The following LDB3 variants were observed in gnomAD, a reference collection of about 807,000 sequenced individuals.
LDB3 encodes the protein LIM domain binding 3, also known as LIM domain-binding protein 3.
In LDB3, 49 loss-of-function variants were observed where a neutral mutation model predicts 69.0. The observed-to-expected ratio is 0.71, with a 90% CI of 0.56 to 0.90. LDB3 has a LOEUF of 0.90. LDB3 is among the 40% of genes least tolerant of loss of function. The pLI is 0.00. For synonymous variants in LDB3, 387 were observed against 396.2 expected, an observed-to-expected ratio of 0.98 and a Z score of 0.28; for missense variants, 928 against 974.1, an observed-to-expected ratio of 0.95 and a Z score of 0.63.
In LDB3 at chr10:86,716,574, T is replaced by G. The variant is rs1295922690; in HGVS notation, c.1479T>G (p.Asp493Glu). Reference protein sequence around the residue: ...EPASRPPWVTDDSFSQKFAPG... With the variant: ...EPASRPPWVTEDSFSQKFAPG... ...CCAGCCGTCCACCCTGGGTGACAGA[T>G]GATAGCTTCTCCCAGAAGTTTGCCC... Residue 493 changes from aspartate to glutamate, a missense_variant, in exon 10 of 14, where the codon GAT becomes GAG. Coordinates refer to ENST00000361373, the MANE Select transcript of LDB3 (RefSeq NM_007078.3). 6.2e-7 allele frequency: 1 copy of G among 1,613,540 alleles called. No homozygotes were observed. The highest frequency in any genetic ancestry group is 8.5e-7 in the Non-Finnish European group (1 of 1,179,938).
chr10:86,689,268 C>T (rs1845648399), intron 5 of LDB3, among the ~76,000 whole-genome samples: 2 of 152,074 alleles, frequency 1.3e-5, no homozygotes, highest in Admixed American at 6.5e-5. Flanking sequence ...AGGGCGTCAC[C>T]GCTGGCGTAA....
At chr10:86,686,585 G>A (rs1478842358) in intron 5 of LDB3, among the ~76,000 whole-genome samples, 9 of 152,102 alleles carry the variant, frequency 5.9e-5, no homozygotes, top group Admixed American at 3.9e-4. Flanking sequence ...AGATGCCAAG[G>A]CAGAAGGATC....
At chr10:86,692,105 T>A in intron 6 of LDB3, 40 bp downstream of exon 6, 1 of 1,610,892 alleles carries the variant, frequency 6.2e-7, no homozygotes, top group Non-Finnish European at 8.5e-7. Flanking sequence ...AGGAGGGAGA[T>A]GCTGAGGGGC....
intron 5 of LDB3, 60 bp downstream of exon 5, chr10:86,681,863 C>G: frequency 6.7e-7 from 1 of 1,495,132 alleles, no homozygotes; most frequent in South Asian, 1.3e-5. Flanking sequence ...CCTCGGTGCT[C>G]GGCAGAGACC....
rs1846157787 is a variant in LDB3, at chr10:86,699,385, G to A, written c.896+6814G>A. ...AATGTTAAAAGCTAAAAGGCTGCCT[G>A]GAATCCCCCCACCCCAACAGGCTGG... On this transcript the variant is annotated intron_variant, in intron 7 of 13. Transcript: ENST00000361373. The surrounding 1 kb of genome is among the most constrained non-coding windows in gnomAD (Gnocchi z 4.9). The A allele has an allele frequency of 6.2e-7, 1 of 1,613,502 alleles. No individual in the cohort carries two copies. The highest frequency in any genetic ancestry group is 8.5e-7 in the Non-Finnish European group (1 of 1,179,846).
chr10:86,670,601 G>A (rs187952944), intron 2 of LDB3, among the ~76,000 whole-genome samples: 133 of 152,304 alleles, frequency 8.7e-4, no homozygotes, highest in Non-Finnish European at 1.1e-3. Flanking sequence ...GGCCAGCCAG[G>A]GGCTTAAATG....
chr10:86,718,627 G>C (rs1846962352), intron 11 of LDB3, 100 bp from the exon 12 acceptor site: 1 of 1,524,872 alleles, frequency 6.6e-7, no homozygotes, highest in African/African-American at 1.4e-5. Context: ...CTCCTGCCCT[G>C]TTCCCTGGTA....
rs545027359 is a variant in LDB3 at position 86,714,535 on chromosome 10, T to G, written c.1232-1792T>G. On this transcript the variant is annotated intron_variant, in intron 9 of 13. Transcript: ENST00000361373. ...TACCCCTAAAGGGGAGGAAGATTCC[T>G]TATGGAGAAGGTATTATCTTTTTTT... is the stretch of plus-strand genomic sequence containing the variant. Among the ~76,000 whole-genome samples the G allele has an allele frequency of 1.8e-4, 27 of 151,790 alleles. No homozygotes were observed. In the South Asian group the frequency reaches 5.2e-3, roughly 29 times the overall value.
chr10:86,668,391 G>C (rs899155326), upstream of LDB3: 3 of 481,352 alleles, frequency 6.2e-6, no homozygotes, highest in African/African-American at 3.9e-5. Flanking sequence ...TATATTAGCC[G>C]TGTGAGTCAT....
Position 86,699,294 on chromosome 10 carries a change from G to C in LDB3, c.896+6723G>C, listed in dbSNP as rs868365512. ...GTGCCACAGGGAAAGGTTTGAAACG[G>C]AACGTAACAGCCCACGTTTTGCCAA... On this transcript the variant is annotated intron_variant, in intron 7 of 13. Coordinates refer to ENST00000361373, the MANE Select transcript of LDB3 (RefSeq NM_007078.3). The surrounding 1 kb of genome is among the most constrained non-coding windows in gnomAD (Gnocchi z 4.9). 2 of 1,613,198 alleles carry C rather than the reference G, an allele frequency of 1.2e-6. No individual in the cohort carries two copies. Among genetic ancestry groups the C allele is most frequent in the Admixed American group, 1.7e-5 (1 of 59,926 alleles).
intron 7 of LDB3, among the ~76,000 whole-genome samples, chr10:86,697,368 T>C (rs1846048163): frequency 1.4e-5 from 2 of 148,144 alleles, no homozygotes; most frequent in Non-Finnish European, 3.0e-5. Context: ...ATTACAGGCA[T>C]GTGACACCAC....
rs1039359229 is a variant in LDB3, at chr10:86,699,479, A to G, written c.896+6908A>G. 68 of 1,579,110 alleles carry G rather than the reference A, an allele frequency of 4.3e-5. No homozygotes were observed. Among genetic ancestry groups the G allele is most frequent in the Non-Finnish European group, 5.7e-5 (66 of 1,165,306 alleles). On this transcript the variant is annotated intron_variant, in intron 7 of 13. Coordinates refer to ENST00000361373, the MANE Select transcript of LDB3 (RefSeq NM_007078.3). The surrounding 1 kb of genome is among the most constrained non-coding windows in gnomAD (Gnocchi z 4.9). Reference sequence around the variant, plus strand: ...CCACGGTGATGCTTGACAATGTATAACTCTGCTGGGGGCACCTCTGATGGC... The same window carrying G: ...CCACGGTGATGCTTGACAATGTATAGCTCTGCTGGGGGCACCTCTGATGGC...
At chr10:86,711,162 C>A (rs908958574) in intron 9 of LDB3, among the ~76,000 whole-genome samples, 1 of 152,162 alleles carries the variant, frequency 6.6e-6, no homozygotes, top group Admixed American at 6.5e-5. Flanking sequence ...CGGGTGGAGG[C>A]GAGGCCTTGC....
At position 86,734,103 on chromosome 10, in the gene LDB3, C is replaced by T. The variant is rs895840682; in HGVS notation, c.*1127C>T. On this transcript the variant is annotated 3_prime_UTR_variant, in exon 14 of 14. Coordinates refer to ENST00000361373, the MANE Select transcript of LDB3 (RefSeq NM_007078.3). ...GGACCTCCCACCTTCAGGTCTGCAT[C>T]ATCCTTTTCAAATGTTCCTTTAAAT... 1 of 152,246 alleles carries T rather than the reference C, an allele frequency of 6.6e-6. No individual in the cohort carries two copies. Among genetic ancestry groups the T allele is most frequent in the Non-Finnish European group, 1.5e-5 (1 of 68,050 alleles). 9.4% of individuals were successfully genotyped at this position (152,246 alleles called of 1,614,324 possible). A position where few individuals can be genotyped will look rare whatever the true frequency, so the allele number is the denominator to read the frequency against.
rs369800420 is a variant in LDB3 at position 86,735,722 on chromosome 10, T to G, written c.*2746T>G. The G allele has an allele frequency of 1.4e-5, 2 of 140,512 alleles. No individual in the cohort carries two copies. Among genetic ancestry groups the G allele is most frequent in the East Asian group, 4.1e-4 (2 of 4,924 alleles). 8.7% of individuals were successfully genotyped at this position (140,512 alleles called of 1,614,324 possible). On this transcript the variant is annotated 3_prime_UTR_variant, in exon 14 of 14. Transcript: ENST00000361373. Reference sequence around the variant, plus strand: ...TGAATCCTGGAGGCGGAGGTTGCAGTGAGCCGAGATTATGCCATTGCACTC... The same window carrying G: ...TGAATCCTGGAGGCGGAGGTTGCAGGGAGCCGAGATTATGCCATTGCACTC...
At position 86,694,897 on chromosome 10, in the gene LDB3, C is replaced by T. The variant is rs114199828; in HGVS notation, c.896+2326C>T. ...TTCTATCTGTCCCCACTCCCAAGTT[C>T]GAAGCTGCACCCCTAGACTCTCCTG... On this transcript the variant is annotated intron_variant, in intron 7 of 13. Coordinates refer to ENST00000361373, the MANE Select transcript of LDB3 (RefSeq NM_007078.3). Among the ~76,000 whole-genome samples, 764 of 152,328 alleles carry T rather than the reference C, an allele frequency of 5.0e-3. 4 individuals are homozygous for T. The highest frequency in any genetic ancestry group is 0.014 in the Middle Eastern group (4 of 294).
intron 9 of LDB3, among the ~76,000 whole-genome samples, chr10:86,713,922 T>G (rs117529346): frequency 0.022 from 3,404 of 152,122 alleles, 65 homozygotes; most frequent in Middle Eastern, 0.075. Flanking sequence ...TTCCCTTCCC[T>G]CCTCTCCCCC....
chr10:86,675,200 C>T (rs891384944), intron 2 of LDB3, among the ~76,000 whole-genome samples: 9 of 152,146 alleles, frequency 5.9e-5, no homozygotes, highest in African/African-American at 2.2e-4. Context: ...CCGGCCCATA[C>T]CTGAGGATGA....
At chr10:86,667,355 C>T (rs903065725), upstream of LDB3, among the ~76,000 whole-genome samples, 1 of 152,126 alleles carries the variant, frequency 6.6e-6, no homozygotes, top group Non-Finnish European at 1.5e-5. Flanking sequence ...CCCTGAGCCT[C>T]AGTTTCTCCA....
Sources: gnomAD v4.1 joint callset for allele counts (sites outside exome capture counted in the v4.1 genomes callset) on GRCh38, gnomAD v4.1.1 for gene constraint, Gnocchi (gnomAD v3.1) non-coding constraint, MANE v1.5 for transcripts, NCBI Gene and HGNC (gene_info 2026-07-23, HGNC 2026-07-21) for gene names.